The following SYTL3 variants were observed in gnomAD, a reference collection of about 807,000 sequenced individuals.
The protein encoded by SYTL3 is synaptotagmin-like protein 3.
Under a neutral mutation model 82.1 loss-of-function variants are expected in SYTL3, and 88 were observed. That is an observed-to-expected ratio of 1.07 (90% confidence interval 0.90 to 1.28). The LOEUF is 1.28. SYTL3 is among the 50% of genes most tolerant of loss of function. The pLI, the probability that SYTL3 is intolerant of heterozygous loss-of-function variation, is 0.00. For missense variants in SYTL3, 831 were observed against 757.6 expected (o/e 1.10, Z -1.14); for synonymous variants, 311 against 289.4 (o/e 1.07, Z -0.76).
In SYTL3 at chr6:158,718,102, A is replaced by G; in HGVS notation, c.611A>G (p.Gln204Arg). The change falls in exon 10 of 18, where the codon CAG becomes CGG. Residue 204 changes from glutamine to arginine, a missense_variant. Transcript: ENST00000611299. ...ATHVKKLSKS[Q>R]NDMTSEKHLL... The stretch of plus-strand genomic sequence containing the variant: ...TGCCTTTTAGAGCTCTCCAAATCCC[A>G]GAATGATATGACTTCTGAGAAGCAT... 6.5e-7 allele frequency: 1 copy of G among 1,542,074 alleles called. No individual in the cohort carries two copies. The highest frequency in any genetic ancestry group is 8.7e-7 in the Non-Finnish European group (1 of 1,143,132).
chr6:158,740,555 C>T (rs897387425), intron 11 of SYTL3, among the ~76,000 whole-genome samples: 2 of 152,078 alleles, frequency 1.3e-5, no homozygotes, highest in African/African-American at 4.8e-5. Context: ...CTTAGGATGA[C>T]CAACCATCCC....
At chr6:158,701,224 G>GGCTGTCT (rs1562393313) in intron 6 of SYTL3, among the ~76,000 whole-genome samples, 74 of 66,152 alleles carry the variant, frequency 1.1e-3, no homozygotes, top group African/African-American at 2.1e-3. Flanking sequence ...GTAGATGAAG[G>GGCTGTCT]AGTGTGAGCT....
chr6:158,689,584 C>T (rs568073143), intron 6 of SYTL3, among the ~76,000 whole-genome samples: 11 of 151,814 alleles, frequency 7.2e-5, no homozygotes, highest in Non-Finnish European at 1.2e-4. Flanking sequence ...TTTTATGCTT[C>T]GAGACTTCTT....
At chr6:158,696,642 G>C (rs1332010564) in intron 6 of SYTL3, among the ~76,000 whole-genome samples, 1 of 151,682 alleles carries the variant, frequency 6.6e-6, no homozygotes, top group Non-Finnish European at 1.5e-5. Context: ...TGTGCTTATT[G>C]GCCATTTGTA....
chr6:158,761,778 TACA>T (rs1340953876), intron 15 of SYTL3, among the ~76,000 whole-genome samples: 1 of 152,232 alleles, frequency 6.6e-6, no homozygotes, highest in Admixed American at 6.5e-5. Context: ...AACTTCTGGC[TACA>T]ACTAGACTCA....
chr6:158,725,403 A>G, intron 10 of SYTL3, 100 bp from the exon 11 acceptor site: 8 of 1,350,192 alleles, frequency 5.9e-6, no homozygotes, highest in Non-Finnish European at 8.2e-6. Context: ...TTTGCATGTT[A>G]GTAACATCAA....
chr6:158,696,906 AAGACCATTCAGT>A (rs1780620743), intron 6 of SYTL3, among the ~76,000 whole-genome samples: 1 of 152,070 alleles, frequency 6.6e-6, no homozygotes, highest in African/African-American at 2.4e-5. Context: ...GAAGGGTGCT[AAGACCATTCAGT>A]AGGGAAAGGA....
At chr6:158,700,768 C>T (rs1275391763) in intron 6 of SYTL3, among the ~76,000 whole-genome samples, 1 of 152,168 alleles carries the variant, frequency 6.6e-6, no homozygotes, top group African/African-American at 2.4e-5. Flanking sequence ...AGGTGCCCGC[C>T]ACCACGGCCG....
rs1346936456 is a variant in SYTL3 at position 158,707,229 on chromosome 6, G to A, written c.395-1G>A. 3 of 1,613,814 alleles carry A rather than the reference G, an allele frequency of 1.9e-6. No individual in the cohort carries two copies. The South Asian group carries it at 3.3e-5, about 18-fold the overall frequency. On this transcript the variant is annotated splice_acceptor_variant, in intron 6 of 17. Transcript: ENST00000611299. LOFTEE classifies it high-confidence loss of function. ...ACGCCCTCTATGGATATCTCTCGCA[G>A]GCAAACATGAGACAGTTGGAGGGCA... is the stretch of plus-strand genomic sequence containing the variant.
At chr6:158,668,912 G>A (rs1444708985) in intron 5 of SYTL3, among the ~76,000 whole-genome samples, 1 of 152,184 alleles carries the variant, frequency 6.6e-6, no homozygotes, top group Non-Finnish European at 1.5e-5. Context: ...AGTAATCAAA[G>A]GCACACTGGA....
chr6:158,712,146 C>T (rs1782827793), intron 8 of SYTL3, among the ~76,000 whole-genome samples: 1 of 152,152 alleles, frequency 6.6e-6, no homozygotes, highest in African/African-American at 2.4e-5. Flanking sequence ...TCCTGGAGTC[C>T]AATGGCCAAT....
chr6:158,735,114 AC>A (rs1406695138), intron 11 of SYTL3, among the ~76,000 whole-genome samples: 2 of 151,948 alleles, frequency 1.3e-5, no homozygotes, highest in African/African-American at 4.8e-5. Flanking sequence ...GTTCAGCCTC[AC>A]TCACTCAGGG....
chr6:158,755,902 TGTCG>T (rs1788996664), intron 13 of SYTL3, among the ~76,000 whole-genome samples: 1 of 152,202 alleles, frequency 6.6e-6, no homozygotes. Context: ...TGGCCTGCAG[TGTCG>T]GCTACCAGAC....
intron 10 of SYTL3, among the ~76,000 whole-genome samples, chr6:158,718,465 T>G (rs909618465): frequency 2.0e-5 from 3 of 152,302 alleles, no homozygotes; most frequent in Non-Finnish European, 4.4e-5. Flanking sequence ...CCCCTGAGGC[T>G]CCTCTGTGTC....
At chr6:158,680,622 C>T (rs909272877) in intron 5 of SYTL3, among the ~76,000 whole-genome samples, 6 of 149,496 alleles carry the variant, frequency 4.0e-5, no homozygotes, top group East Asian at 1.9e-4. Flanking sequence ...TGTGGTGGCA[C>T]GTGCCTTTAG....
chr6:158,749,529 T>TTTTTTTTTTTTTTA (rs1788132706), intron 12 of SYTL3, among the ~76,000 whole-genome samples: 1 of 142,028 alleles, frequency 7.0e-6, no homozygotes, highest in African/African-American at 2.6e-5. Flanking sequence ...TTTTTTTTTT[T>TTTTTTTTTTTTTTA]TTTAAGAAAT....
intron 5 of SYTL3, among the ~76,000 whole-genome samples, chr6:158,669,030 G>A (rs1452150777): frequency 6.6e-6 from 1 of 152,176 alleles, no homozygotes; most frequent in Admixed American, 6.5e-5. Context: ...AAACAAAGAA[G>A]TTAAAAGCAG....
chr6:158,647,495 C>T (rs150354763), upstream of SYTL3, among the ~76,000 whole-genome samples: 237 of 152,180 alleles, frequency 1.6e-3, 1 homozygote, highest in African/African-American at 5.2e-3. Context: ...TTCTTTTAAA[C>T]GGATATATCT....
At chr6:158,683,837 T>C (rs1167107466) in intron 6 of SYTL3, among the ~76,000 whole-genome samples, 1 of 152,154 alleles carries the variant, frequency 6.6e-6, no homozygotes, top group African/African-American at 2.4e-5. Context: ...AGGTTGATGC[T>C]TGTGGAGTGA....
Sources: allele counts gnomAD v4.1 joint callset (sites outside exome capture counted in the v4.1 genomes callset), GRCh38; gene constraint gnomAD v4.1.1; transcripts MANE v1.5; gene names NCBI Gene and HGNC (gene_info 2026-07-23, HGNC 2026-07-21).